FER1L6: variants seen among roughly 807,000 people sequenced by gnomAD.
FER1L6 encodes fer-1-like protein 6.
Under a neutral mutation model 219.2 loss-of-function variants are expected in FER1L6, and 177 were observed. The observed-to-expected ratio is 0.81, with a 90% confidence interval of 0.71 to 0.91. The LOEUF (loss-of-function observed/expected upper bound fraction) is 0.91. FER1L6 is among the 40% of genes least tolerant of loss of function. FER1L6 has a pLI of 0.00. For missense variants in FER1L6, 2,153 were observed against 2,259.9 expected (o/e 0.95, Z 0.96); for synonymous variants, 768 against 824.3 (o/e 0.93, Z 1.17).
chr8:124,029,719 G>C lies in FER1L6; in HGVS notation c.2287-5558G>C, dbSNP rs560933393. Among the ~76,000 whole-genome samples, 3 of 152,218 alleles carry C rather than the reference G, an allele frequency of 2.0e-5. No homozygotes were observed. The East Asian group carries it at 5.8e-4, about 29-fold the overall frequency. ...TTTTATCCCATTCTGTAGATTGCCTGTTTGCTCTGATGAGAGTTTCTTTTG... is the reference window on the plus strand; with the variant it reads ...TTTTATCCCATTCTGTAGATTGCCTCTTTGCTCTGATGAGAGTTTCTTTTG... On this transcript the variant is annotated intron_variant, in intron 18 of 40. Coordinates refer to ENST00000522917, the MANE Select transcript of FER1L6 (RefSeq NM_001039112.2).
intron 1 of FER1L6, among the ~76,000 whole-genome samples, chr8:123,881,797 T>C (rs1817115709): frequency 6.6e-6 from 1 of 152,120 alleles, no homozygotes; most frequent in Admixed American, 6.5e-5. Context: ...ATAATGTAGA[T>C]TACGGGTCCT....
At chr8:123,989,171 C>G (rs1045765929) in intron 12 of FER1L6, among the ~76,000 whole-genome samples, 6 of 152,050 alleles carry the variant, frequency 3.9e-5, no homozygotes, top group African/African-American at 1.4e-4. Flanking sequence ...TGGTACAAAT[C>G]CCACTTGGTC....
At chr8:124,044,542 AG>A (rs1261167590) in intron 20 of FER1L6, among the ~76,000 whole-genome samples, 1 of 152,216 alleles carries the variant, frequency 6.6e-6, no homozygotes, top group South Asian at 2.1e-4. Flanking sequence ...TTTGGAGTCC[AG>A]GCCAGGTCTC....
At chr8:123,892,681 T>C (rs1389512860) in intron 1 of FER1L6, among the ~76,000 whole-genome samples, 1 of 152,216 alleles carries the variant, frequency 6.6e-6, no homozygotes, top group African/African-American at 2.4e-5. Flanking sequence ...TGTTTTTGTA[T>C]TGTGATTTTG....
In FER1L6 at chr8:124,064,412, G is replaced by A. The variant is rs990841473; in HGVS notation, c.3394G>A (p.Ala1132Thr). ...GAHSSSQDPPADHIYVDVEPP... is the reference protein window; with the variant it reads ...GAHSSSQDPPTDHIYVDVEPP... ...CCACAGCTCCTCCCAGGATCCCCCA[G>A]CAGATCACATTTATGTGGATGTTGA... Residue 1132 changes from alanine to threonine, a missense_variant, in exon 26 of 41, where the codon GCA becomes ACA. Ala to Thr is a moderately conservative substitution (Grantham distance 58). Coordinates refer to ENST00000522917, the MANE Select transcript of FER1L6 (RefSeq NM_001039112.2). The A allele has an allele frequency of 6.2e-7, 1 of 1,613,526 alleles. No individual in the cohort carries two copies. Among genetic ancestry groups the A allele is most frequent in the African/African-American group, 1.3e-5 (1 of 74,878 alleles).
In FER1L6 at chr8:124,095,052, C is replaced by T. The variant is rs779990469; in HGVS notation, c.4695+14C>T. ...GGAATGGAGCAGGTAGTGGGCAAGA[C>T]TATTCTGGCCCTAAAAGTTAATCTT... On this transcript the variant is annotated intron_variant, in intron 35 of 40. Coordinates refer to ENST00000522917, the MANE Select transcript of FER1L6 (RefSeq NM_001039112.2). The T allele has an allele frequency of 1.9e-6, 3 of 1,613,800 alleles. No homozygotes were observed. Among genetic ancestry groups the T allele is most frequent in the South Asian group, 2.2e-5 (2 of 91,058 alleles).
chr8:124,064,011 G>T (rs1820711203), intron 25 of FER1L6, among the ~76,000 whole-genome samples: 1 of 152,138 alleles, frequency 6.6e-6, no homozygotes, highest in Non-Finnish European at 1.5e-5. Context: ...ACAGCAGGGG[G>T]ACAATCCCCC....
intron 24 of FER1L6, among the ~76,000 whole-genome samples, chr8:124,061,267 C>G (rs1820555038): frequency 2.6e-5 from 4 of 152,154 alleles, no homozygotes; most frequent in Admixed American, 2.6e-4. Context: ...AATATTTCAG[C>G]ATACATTTTT....
chr8:123,988,085 G>A (rs545412624), intron 12 of FER1L6, among the ~76,000 whole-genome samples: 14 of 147,598 alleles, frequency 9.5e-5, no homozygotes, highest in African/African-American at 2.6e-4. Flanking sequence ...GCGACAGAGC[G>A]CAACTCAAAA....
chr8:124,092,671 T>C (rs745397784), intron 34 of FER1L6, among the ~76,000 whole-genome samples: 10 of 152,140 alleles, frequency 6.6e-5, no homozygotes, highest in Non-Finnish European at 1.0e-4. Context: ...GTGTAATTTA[T>C]AAAGAAAAGG....
chr8:123,927,487 T>C (rs904868084), intron 1 of FER1L6, among the ~76,000 whole-genome samples: 7 of 152,214 alleles, frequency 4.6e-5, no homozygotes, highest in African/African-American at 1.7e-4. Flanking sequence ...ATTCACAATT[T>C]TGTATTTAAA....
At chr8:123,974,663 A>AAAAAAAAAAAAAAAAAAAAAAAAC (rs1815978566) in intron 7 of FER1L6, among the ~76,000 whole-genome samples, 1 of 137,718 alleles carries the variant, frequency 7.3e-6, no homozygotes, top group Non-Finnish European at 1.5e-5. Context: ...CTGTCTCAAA[A>AAAAAAAAAAAAAAAAAAAAAAAAC]AAAAAAAAAA....
intron 1 of FER1L6, among the ~76,000 whole-genome samples, chr8:123,930,349 A>ATT (rs35908666): frequency 0.38 from 57,767 of 150,838 alleles, 11,621 homozygotes; most frequent in South Asian, 0.51. Flanking sequence ...CCTCCCTGAC[A>ATT]TTTTTTTTTG....
At chr8:123,865,014 T>C (rs1291084857) in intron 1 of FER1L6, among the ~76,000 whole-genome samples, 4 of 151,278 alleles carry the variant, frequency 2.6e-5, no homozygotes, top group Non-Finnish European at 2.9e-5. Context: ...CTTTGTTCCA[T>C]TGCTGGTGAG....
At chr8:124,091,013 G>A (rs1822006003) in intron 33 of FER1L6, among the ~76,000 whole-genome samples, 2 of 152,152 alleles carry the variant, frequency 1.3e-5, no homozygotes, top group African/African-American at 4.8e-5. Context: ...TCTGAGGGGT[G>A]GGAAAGAGGA....
intron 26 of FER1L6, among the ~76,000 whole-genome samples, chr8:124,065,069 C>G (rs1306594954): frequency 6.6e-6 from 1 of 151,966 alleles, no homozygotes; most frequent in East Asian, 1.9e-4. Context: ...CTTGGTGTAT[C>G]AATTGAATTA....
chr8:123,868,703 A>G (rs1489673228), intron 1 of FER1L6, among the ~76,000 whole-genome samples: 1 of 152,090 alleles, frequency 6.6e-6, no homozygotes, highest in Non-Finnish European at 1.5e-5. Flanking sequence ...ACTTGAACTG[A>G]TATTCATCTT....
In FER1L6 at chr8:124,111,743, TC is replaced by T. The variant is rs1823031269; in HGVS notation, c.5290-7100del. 6.6e-6 allele frequency among the ~76,000 whole-genome samples: 1 copy of T among 152,062 alleles called. No individual in the cohort carries two copies. The highest frequency in any genetic ancestry group is 2.4e-5 in the African/African-American group (1 of 41,402). Reference sequence around the variant, plus strand: ...GTGTAGCAGTGAGGATGACCAGAGGTCACTCTTGTTCTCTGGTCGGTGGGTT... The same window carrying T: ...GTGTAGCAGTGAGGATGACCAGAGGTACTCTTGTTCTCTGGTCGGTGGGTT... On this transcript the variant is annotated intron_variant, in intron 39 of 40. Coordinates refer to ENST00000522917, the MANE Select transcript of FER1L6 (RefSeq NM_001039112.2). This position sits in a 1 kb window ranked among gnomAD's most constrained non-coding sequence, Gnocchi z 5.0.
At chr8:123,941,339 T>C (rs113459063) in intron 1 of FER1L6, among the ~76,000 whole-genome samples, 8 of 152,222 alleles carry the variant, frequency 5.3e-5, no homozygotes, top group African/African-American at 1.9e-4. Context: ...AAGTGGCCCA[T>C]GAAGGATGGG....
Sources: gnomAD v4.1 joint callset for allele counts (sites outside exome capture counted in the v4.1 genomes callset) on GRCh38, gnomAD v4.1.1 for gene constraint, Gnocchi (gnomAD v3.1) non-coding constraint, MANE v1.5 for transcripts, NCBI Gene and HGNC (gene_info 2026-07-23, HGNC 2026-07-21) for gene names.